PHLDB1: variants seen among roughly 807,000 people sequenced by gnomAD.
PHLDB1 encodes pleckstrin homology-like domain family B member 1.
PHLDB1 carries 65 observed loss-of-function variants against 139.3 expected under a neutral mutation model. The ratio of observed to expected loss-of-function variants is 0.47; its 90% confidence interval spans 0.38 to 0.57. The LOEUF is 0.57. Among genes scored for constraint, PHLDB1 ranks in the 20% least tolerant of loss-of-function variants. The pLI is 0.00. For missense variants in PHLDB1, 1,624 were observed against 1,839.7 expected, an observed-to-expected ratio of 0.88 and a Z score of 2.14; for synonymous variants, 679 against 734.5, an observed-to-expected ratio of 0.92 and a Z score of 1.22.
At chr11:118,639,999 C>G in intron 12 of PHLDB1, 9 of 986,094 alleles carry the variant, frequency 9.1e-6, no homozygotes, top group Non-Finnish European at 1.1e-5. Context: ...CCCCAAAGCA[C>G]AAGAGGTAAT....
At chr11:118,614,446 C>T in intron 2 of PHLDB1, 113 bp from the exon 3 acceptor site, 1 of 1,184,542 alleles carries the variant, frequency 8.4e-7, no homozygotes, top group Non-Finnish European at 1.2e-6. Context: ...CTTTCAGCAC[C>T]CTCAGAGCCC....
chr11:118,635,319 C>G, intron 9 of PHLDB1, 74 bp from the exon 10 acceptor site: 1 of 1,482,512 alleles, frequency 6.7e-7, no homozygotes, highest in South Asian at 1.3e-5. Flanking sequence ...AACGCATGCC[C>G]CTGTGGCCTG....
Position 118,650,913 on chromosome 11 carries a change from A to G in PHLDB1, c.3874+366A>G, listed in dbSNP as rs1468399173. 5 of 265,286 alleles carry G rather than the reference A, an allele frequency of 1.9e-5. No individual in the cohort carries two copies. Among genetic ancestry groups the G allele is most frequent in the African/African-American group, 4.5e-5 (2 of 44,938 alleles). The allele number at this position is 265,286 out of a possible 1,614,324, so 16.4% of individuals were successfully genotyped here. On this transcript the variant is annotated intron_variant, in intron 20 of 22. Coordinates refer to ENST00000600882, the MANE Select transcript of PHLDB1 (RefSeq NM_001144758.3). This position sits in a 1 kb window ranked among gnomAD's most constrained non-coding sequence, Gnocchi z 4.7. ...ATAGGAGACATCCAGGCACTGCAGG[A>G]GCATGGGGTCTTATGGTCAGAGTTG...
At chr11:118,627,262 T>C in intron 5 of PHLDB1, 43 bp from the exon 6 acceptor site, 1 of 1,602,626 alleles carries the variant, frequency 6.2e-7, no homozygotes, top group Non-Finnish European at 8.5e-7. Flanking sequence ...CTTTTATGCA[T>C]ATGCAGCTCC....
In PHLDB1 at chr11:118,635,480, C is replaced by T. The variant is rs377522525; in HGVS notation, c.2467C>T (p.Arg823Cys). ...GCGGGAGAGCCGCGTGGAGGAGGAG[C>T]GCGAGCTGGCCGGCCAGGGGCTGCT... ...LERESRVEEE[R>C]ELAGQGLLRS... is the part of the protein sequence containing the mutation. Residue 823 changes from arginine (R) to cysteine (C), a missense_variant, in exon 10 of 23, where the codon CGC (arginine) becomes TGC (cysteine). Physicochemically the swap from Arg to Cys is radical, Grantham distance 180 (BLOSUM62 -3). Transcript: ENST00000600882. 1 of 1,609,410 alleles carries T rather than the reference C, an allele frequency of 6.2e-7. No individual in the cohort carries two copies. The highest frequency in any genetic ancestry group is 8.5e-7 in the Non-Finnish European group (1 of 1,178,378).
chr11:118,636,127 CTG>C (rs1224125376), intron 10 of PHLDB1, among the ~76,000 whole-genome samples: 1 of 152,228 alleles, frequency 6.6e-6, no homozygotes, highest in African/African-American at 2.4e-5. Flanking sequence ...GCACAGGTGA[CTG>C]TGTATGTTTG....
chr11:118,656,351 ACT>A (rs1207416968), intron 22 of PHLDB1, among the ~76,000 whole-genome samples: 28 of 151,382 alleles, frequency 1.8e-4, no homozygotes, highest in Non-Finnish European at 3.4e-4. Flanking sequence ...CTGAGAGGAA[ACT>A]CTGGTCCTCA....
intron 22 of PHLDB1, 104 bp downstream of exon 22, chr11:118,655,996 C>A: frequency 1.2e-6 from 1 of 858,996 alleles, no homozygotes; most frequent in Non-Finnish European, 1.9e-6. Context: ...CCCCCAGGCC[C>A]AAGGGAGGAG....
At chr11:118,631,184 C>T in intron 6 of PHLDB1, 23 bp from the exon 7 acceptor site, 1 of 1,409,644 alleles carries the variant, frequency 7.1e-7, no homozygotes, top group Non-Finnish European at 9.3e-7. Context: ...CCCTTCATGT[C>T]CTGCTCTGTC....
chr11:118,653,635 T>C (rs182640384), intron 20 of PHLDB1: 135 of 152,350 alleles, frequency 8.9e-4, no homozygotes, highest in African/African-American at 3.0e-3. Flanking sequence ...TTTTCCTCAC[T>C]GTGAGATTGT....
rs139090301 is a variant in PHLDB1, at chr11:118,645,228, C to G, written c.3122-128C>G. 1 of 620,940 alleles carries G rather than the reference C, an allele frequency of 1.6e-6. No homozygotes were observed. Among genetic ancestry groups the G allele is most frequent in the Non-Finnish European group, 2.6e-6 (1 of 384,386 alleles). 38.5% of individuals were successfully genotyped at this position (620,940 alleles called of 1,614,324 possible). A position where few individuals can be genotyped will look rare whatever the true frequency, so the allele number is the denominator to read the frequency against. Reference sequence around the variant, plus strand: ...AGCTGCAGGGGCCTTAGGGAAGCTGCGGGGAGAGGGGGCTGCTCTGTGTTA... The same window carrying G: ...AGCTGCAGGGGCCTTAGGGAAGCTGGGGGGAGAGGGGGCTGCTCTGTGTTA... On this transcript the variant is annotated intron_variant, in intron 15 of 22. Transcript: ENST00000600882. This position sits in a 1 kb window ranked among gnomAD's most constrained non-coding sequence, Gnocchi z 5.1.
In PHLDB1 at chr11:118,608,858, C is replaced by T. The variant is rs1939594488; in HGVS notation, c.-22+1159C>T. 6.6e-6 allele frequency among the ~76,000 whole-genome samples: 1 copy of T among 152,136 alleles called. No individual in the cohort carries two copies. Among genetic ancestry groups the T allele is most frequent in the Non-Finnish European group, 1.5e-5 (1 of 68,000 alleles). On this transcript the variant is annotated intron_variant, in intron 1 of 22. Coordinates refer to ENST00000600882, the MANE Select transcript of PHLDB1 (RefSeq NM_001144758.3). This position sits in a 1 kb window ranked among gnomAD's most constrained non-coding sequence, Gnocchi z 6.7. ...CACGCAGCCCCTCACACCCGCAGCC[C>T]CGCTTACACGCGCCCCAGCTCACAC...
chr11:118,652,664 CTG>C (rs1948507309), intron 20 of PHLDB1: 1 of 152,218 alleles, frequency 6.6e-6, no homozygotes, highest in African/African-American at 2.4e-5. Context: ...AGAGATAAGA[CTG>C]AACCTGGGCA....
chr11:118,627,219 A>C, intron 5 of PHLDB1, 86 bp from the exon 6 acceptor site: 1 of 1,329,782 alleles, frequency 7.5e-7, no homozygotes, highest in South Asian at 1.3e-5. Context: ...TGTTAGCCTC[A>C]CTGTGCTAGG....
upstream of PHLDB1, among the ~76,000 whole-genome samples, chr11:118,607,173 T>C (rs893175435): frequency 2.7e-5 from 4 of 150,774 alleles, no homozygotes; most frequent in Admixed American, 1.3e-4. Flanking sequence ...TGGGAGCCCG[T>C]GGAGGTTTCA....
chr11:118,640,358 G>A (rs1455010311), intron 12 of PHLDB1: 1 of 152,226 alleles, frequency 6.6e-6, no homozygotes, highest in African/African-American at 2.4e-5. Flanking sequence ...GCAGGCTTAT[G>A]ATCCTGCGCT....
Position 118,631,986 on chromosome 11 carries a change from G to A in PHLDB1, c.2174G>A (p.Gly725Glu). 6.2e-7 allele frequency: 1 copy of A among 1,614,130 alleles called. No individual in the cohort carries two copies. The highest frequency in any genetic ancestry group is 8.5e-7 in the Non-Finnish European group (1 of 1,179,986). ...GAAGAAGAGCGGGCTCAGGTGCTGG[G>A]GCACGTGGAGCAGCTCAAGGTCCGT... ...ALEEERAQVL[G>E]HVEQLKVRVK... Residue 725 changes from glycine to glutamate, a missense_variant, in exon 8 of 23, where the codon GGG becomes GAG. By Grantham distance (98) the Gly-to-Glu change is moderately conservative. Transcript: ENST00000600882.
chr11:118,635,217 G>A, intron 9 of PHLDB1, 176 bp from the exon 10 acceptor site: 2 of 735,754 alleles, frequency 2.7e-6, no homozygotes, highest in Non-Finnish European at 4.6e-6. Flanking sequence ...AGCGCTCCAG[G>A]CCATGATGCC....
chr11:118,639,041 G>A (rs782188673), intron 11 of PHLDB1, 40 bp downstream of exon 11: 43 of 1,578,840 alleles, frequency 2.7e-5, no homozygotes, highest in South Asian at 2.1e-4. Flanking sequence ...TTGGAGTAGG[G>A]TAAGTGGGAG....
Sources: gnomAD v4.1 joint callset for allele counts (sites outside exome capture counted in the v4.1 genomes callset) on GRCh38, gnomAD v4.1.1 for gene constraint, Gnocchi (gnomAD v3.1) non-coding constraint, MANE v1.5 for transcripts, NCBI Gene and HGNC (gene_info 2026-07-23, HGNC 2026-07-21) for gene names.